The following LRRIQ1 variants were observed in gnomAD, a reference collection of about 807,000 sequenced individuals.
LRRIQ1 encodes leucine-rich repeat- and IQ domain-containing protein 1.
A neutral mutation model predicts 211.9 loss-of-function variants in LRRIQ1; 210 were observed. The ratio of observed to expected loss-of-function variants is 0.99; its 90% confidence interval spans 0.89 to 1.11. The LOEUF (loss-of-function observed/expected upper bound fraction) is 1.11. Ranked by LOEUF, LRRIQ1 falls within the 50% of genes most tolerant of loss-of-function variation. The pLI is 0.00. For missense variants in LRRIQ1, 2,136 were observed against 1,939.5 expected, an observed-to-expected ratio of 1.10 and a Z score of -1.90; for synonymous variants, 699 against 650.1, an observed-to-expected ratio of 1.08 and a Z score of -1.14.
chr12:85,127,764 C>A, intron 17 of LRRIQ1, 68 bp from the exon 18 acceptor site: 1 of 1,365,246 alleles, frequency 7.3e-7, no homozygotes, highest in Non-Finnish European at 1.0e-6. Flanking sequence ...TTAGGAGGAC[C>A]TTTTATCTAC....
chr12:85,229,536 C>G lies in LRRIQ1; in HGVS notation c.4842C>G (p.Ile1614Met), dbSNP rs1195735856. Reference protein sequence around the residue: ...GYFEGIEEDPIHKDTTANEKL... With the variant: ...GYFEGIEEDPMHKDTTANEKL... ...TCACAGGTATAGAAGAAGACCCTAT[C>G]CACAAAGATACCACTGCAAATGAAA... The change falls in exon 25 of 27, where the codon ATC (isoleucine) becomes ATG (methionine). Residue 1614 changes from isoleucine to methionine, a missense_variant. By Grantham distance (10) the Ile-to-Met change is conservative (BLOSUM62 1). Coordinates refer to ENST00000393217, the MANE Select transcript of LRRIQ1 (RefSeq NM_001079910.2). 2 of 1,610,710 alleles carry G rather than the reference C, an allele frequency of 1.2e-6. No homozygotes were observed. Among genetic ancestry groups the G allele is most frequent in the Admixed American group, 1.7e-5 (1 of 59,128 alleles).
intron 26 of LRRIQ1, among the ~76,000 whole-genome samples, chr12:85,238,506 A>G (rs1895301175): frequency 2.6e-5 from 4 of 152,072 alleles, no homozygotes; most frequent in Admixed American, 2.0e-4. Flanking sequence ...TATACAGGGG[A>G]CCATTTGTAA....
chr12:85,214,196 G>A (rs1893970270), intron 24 of LRRIQ1, among the ~76,000 whole-genome samples: 1 of 151,192 alleles, frequency 6.6e-6, no homozygotes, highest in Non-Finnish European at 1.5e-5. Context: ...ACCTTATGAA[G>A]AAAATCATAA....
At chr12:85,243,509 T>C (rs78617830) in intron 26 of LRRIQ1, among the ~76,000 whole-genome samples, 2,947 of 150,910 alleles carry the variant, frequency 0.02, 95 homozygotes, top group African/African-American at 0.068. Context: ...CATTATACAA[T>C]GGTTTATATT....
intron 10 of LRRIQ1, among the ~76,000 whole-genome samples, chr12:85,071,718 G>A (rs529078555): frequency 6.6e-6 from 1 of 152,130 alleles, no homozygotes; most frequent in South Asian, 2.1e-4. Context: ...TCAAAATCAT[G>A]GAGGAAGACA....
At chr12:85,107,324 T>C (rs1482917839) in intron 15 of LRRIQ1, among the ~76,000 whole-genome samples, 2 of 152,086 alleles carry the variant, frequency 1.3e-5, no homozygotes, top group Non-Finnish European at 1.5e-5. Flanking sequence ...CCTTAAGAAA[T>C]ACCTCATGCT....
intron 11 of LRRIQ1, among the ~76,000 whole-genome samples, chr12:85,096,371 C>A (rs1885881386): frequency 6.6e-6 from 1 of 152,046 alleles, no homozygotes; most frequent in Admixed American, 6.6e-5. Context: ...TATCCTTTTT[C>A]ATTTGTTTCA....
intron 6 of LRRIQ1, among the ~76,000 whole-genome samples, chr12:85,051,441 T>A (rs957245406): frequency 1.3e-5 from 2 of 152,214 alleles, no homozygotes; most frequent in Non-Finnish European, 2.9e-5. Context: ...TTTTATCTAA[T>A]GTAAACTGAT....
chr12:85,049,205 GTTGT>G (rs748197790), intron 6 of LRRIQ1, among the ~76,000 whole-genome samples: 3 of 152,006 alleles, frequency 2.0e-5, no homozygotes, highest in South Asian at 2.1e-4. Context: ...TCTTTCCTGG[GTTGT>G]TTGTTAGCTG....
At chr12:85,208,451 C>T (rs148625019) in intron 24 of LRRIQ1, among the ~76,000 whole-genome samples, 356 of 151,984 alleles carry the variant, frequency 2.3e-3, no homozygotes, top group Non-Finnish European at 3.8e-3. Context: ...AATAAGAAAA[C>T]ACTAAACATC....
At chr12:85,218,630 G>C (rs923157665) in intron 24 of LRRIQ1, among the ~76,000 whole-genome samples, 3 of 152,052 alleles carry the variant, frequency 2.0e-5, no homozygotes, top group African/African-American at 7.2e-5. Flanking sequence ...TAGTTTTACA[G>C]ACTGAATTAA....
At chr12:85,102,124 G>GA (rs1886393924) in intron 13 of LRRIQ1, among the ~76,000 whole-genome samples, 1 of 151,260 alleles carries the variant, frequency 6.6e-6, no homozygotes, top group African/African-American at 2.4e-5. Context: ...ATTTTTACTT[G>GA]AATTATATTT....
intron 10 of LRRIQ1, among the ~76,000 whole-genome samples, chr12:85,069,704 T>C (rs996850203): frequency 2.6e-5 from 4 of 152,166 alleles, no homozygotes; most frequent in African/African-American, 7.2e-5. Flanking sequence ...ATGATGAACA[T>C]TTTTTCATGT....
rs576738868 is a variant in LRRIQ1, at chr12:85,234,975, G to A, written c.5016+2219G>A. Among the ~76,000 whole-genome samples, 5 of 152,268 alleles carry A rather than the reference G, an allele frequency of 3.3e-5. No homozygotes were observed. In the South Asian group the frequency reaches 1.0e-3, roughly 32 times the overall value. ...ACTGACAGCTAACTTCATATCGGAA[G>A]CAATGAATGCCAAAAGACAGTGGAT... On this transcript the variant is annotated intron_variant, in intron 26 of 26. Coordinates refer to ENST00000393217, the MANE Select transcript of LRRIQ1 (RefSeq NM_001079910.2).
At chr12:85,269,611 T>C in the LRRIQ1 span, among the ~76,000 whole-genome samples, 1 of 152,150 alleles carries the variant, frequency 6.6e-6, no homozygotes, top group East Asian at 1.9e-4. Context: ...AATACTTTCC[T>C]CACAAGAATA....
intron 13 of LRRIQ1, among the ~76,000 whole-genome samples, chr12:85,099,279 T>G (rs944942665): frequency 1.3e-5 from 2 of 151,902 alleles, no homozygotes; most frequent in Non-Finnish European, 2.9e-5. Flanking sequence ...AAGATTTGTT[T>G]ATGTTTATAC....
chr12:85,183,548 T>C (rs1320794036), intron 24 of LRRIQ1, among the ~76,000 whole-genome samples: 1 of 152,028 alleles, frequency 6.6e-6, no homozygotes, highest in Non-Finnish European at 1.5e-5. Flanking sequence ...TGAAATAAAA[T>C]AAAGTGAATA....
chr12:85,198,590 CAG>C (rs1406853046), intron 24 of LRRIQ1, among the ~76,000 whole-genome samples: 3 of 144,852 alleles, frequency 2.1e-5, no homozygotes, highest in Non-Finnish European at 3.0e-5. Flanking sequence ...TTTTTTGAGA[CAG>C]AGTCTCGCTC....
At chr12:85,156,793 GACTA>G (rs61046754) in intron 23 of LRRIQ1, among the ~76,000 whole-genome samples, 8,865 of 151,732 alleles carry the variant, frequency 0.058, 872 homozygotes, top group African/African-American at 0.2. Flanking sequence ...ACTGCTGCGA[GACTA>G]ACTAGATCTA....
Sources: gnomAD v4.1 joint callset for allele counts (sites outside exome capture counted in the v4.1 genomes callset) on GRCh38, gnomAD v4.1.1 for gene constraint, MANE v1.5 for transcripts, NCBI Gene and HGNC (gene_info 2026-07-23, HGNC 2026-07-21) for gene names.